Variants in OR14A16 observed in about 807,000 individuals in gnomAD.
The protein encoded by OR14A16 is olfactory receptor 14A16.
For synonymous variants in OR14A16, 135 were observed against 137.6 expected (o/e 0.98, Z 0.13); for missense variants, 341 against 366.5 (o/e 0.93, Z 0.57).
At chr1:247,820,167 C>T (rs1458388774) in intron 1 of OR14A16, among the ~76,000 whole-genome samples, 2 of 152,118 alleles carry the variant, frequency 1.3e-5, no homozygotes, top group African/African-American at 4.8e-5. Context: ...ATCTGGAACA[C>T]GGGCCTGTAA....
Position 247,815,640 on chromosome 1 carries a change from C to G in OR14A16, c.90G>C (p.Leu30Phe), listed in dbSNP as rs79307181. ...CCATCAGGGCACACAAATAAATCAACAAGAAGAGAATCGAATGCAAAATGC... is the reference window on the plus strand; with the variant it reads ...CCATCAGGGCACACAAATAAATCAAGAAGAAGAGAATCGAATGCAAAATGC... ...NMCILHSILF[L>F]LIYLCALMGN... is the part of the protein sequence containing the mutation. Residue 30 changes from leucine to phenylalanine, a missense_variant, in exon 3 of 3, where the codon TTG becomes TTC. By Grantham distance (22) the Leu-to-Phe change is conservative (BLOSUM62 0). Transcript: ENST00000641093. 2.5e-3 allele frequency: 4,003 copies of G among 1,611,818 alleles called. 86 individuals carry two copies. In the African/African-American group the frequency reaches 0.045, roughly 18 times the overall value.
Position 247,820,968 on chromosome 1 carries a change from A to T in OR14A16, c.-130-1791T>A, listed in dbSNP as rs553703734. Among the ~76,000 whole-genome samples the T allele has an allele frequency of 3.3e-5, 5 of 151,914 alleles. No homozygotes were observed. In the South Asian group the frequency reaches 8.3e-4, roughly 25 times the overall value. On this transcript the variant is annotated intron_variant, in intron 1 of 2. Coordinates refer to ENST00000641093, the MANE Select transcript of OR14A16 (RefSeq NM_001001966.2). Reference sequence around the variant, plus strand: ...ATAAGTGTCAATATGTTGTGTTTTCATGCTTGTTTGAATCAACATGTTTTT... The same window carrying T: ...ATAAGTGTCAATATGTTGTGTTTTCTTGCTTGTTTGAATCAACATGTTTTT...
At chr1:247,820,683 T>C (rs1048884782) in intron 1 of OR14A16, among the ~76,000 whole-genome samples, 3 of 40,580 alleles carry the variant, frequency 7.4e-5, no homozygotes, top group African/African-American at 1.1e-4. Flanking sequence ...CCATCTCTAC[T>C]AAATACAAAA....
At position 247,815,400 on chromosome 1, in the gene OR14A16, C is replaced by A. The variant is rs1662593196; in HGVS notation, c.330G>T (p.Leu110=). ...FLLLSSASAE[L]LLLTVMSFDR... is the part of the protein sequence containing the mutation. Reference sequence around the variant, plus strand: ...CAAAGGACATCACCGTGAGGAGGAGCAGCTCTGCAGATGCTGAAGAAAGCA... The same window carrying A: ...CAAAGGACATCACCGTGAGGAGGAGAAGCTCTGCAGATGCTGAAGAAAGCA... The change falls in exon 3 of 3, where the codon CTG becomes CTT. Residue 110 remains leucine (L), a synonymous_variant. Coordinates refer to ENST00000641093, the MANE Select transcript of OR14A16 (RefSeq NM_001001966.2). 1 of 1,613,662 alleles carries A rather than the reference C, an allele frequency of 6.2e-7. No individual in the cohort carries two copies. Among genetic ancestry groups the A allele is most frequent in the African/African-American group, 1.3e-5 (1 of 75,018 alleles).
Position 247,815,165 on chromosome 1 carries a change from C to G in OR14A16, c.565G>C (p.Glu189Gln), listed in dbSNP as rs746728262. 6.2e-7 allele frequency: 1 copy of G among 1,613,396 alleles called. No individual in the cohort carries two copies. The highest frequency in any genetic ancestry group is 1.7e-5 in the Admixed American group (1 of 59,964). Residue 189 changes from glutamate to glutamine, a missense_variant, in exon 3 of 3, where the codon GAA (glutamate) becomes CAA (glutamine). Physicochemically the swap from Glu to Gln is conservative, Grantham distance 29 (BLOSUM62 2). Transcript: ENST00000641093. ...AGTGCAATTTCTCTTATTAAATTTT[C>G]TGAGCAAGAAATAGCTAATAACTGG... ...IPQLLAISCSENLIREIALIL... is the reference protein window; with the variant it reads ...IPQLLAISCSQNLIREIALIL...
intron 1 of OR14A16, among the ~76,000 whole-genome samples, chr1:247,819,444 G>A (rs1170093830): frequency 2.0e-5 from 3 of 152,150 alleles, no homozygotes; most frequent in Admixed American, 1.3e-4. Context: ...ATGGAGAGCA[G>A]GATCAGGCAG....
intron 1 of OR14A16, among the ~76,000 whole-genome samples, chr1:247,822,827 A>G (rs12130569): frequency 0.26 from 40,096 of 152,132 alleles, 5,692 homozygotes; most frequent in African/African-American, 0.36. Flanking sequence ...CAAAGACTGA[A>G]CTTATCAATA....
intron 1 of OR14A16, 121 bp downstream of exon 1, chr1:247,823,832 C>A (rs879780109): frequency 6.6e-6 from 1 of 151,818 alleles, no homozygotes; most frequent in Non-Finnish European, 1.5e-5. Context: ...TTATTAATAT[C>A]ATAAAATTGA....
Position 247,815,372 on chromosome 1 carries a change from G to A in OR14A16, c.358C>T (p.Arg120Cys), listed in dbSNP as rs147527565. ...LLLLTVMSFD[R>C]YTAICHPLHY... is the part of the protein sequence containing the mutation. The stretch of plus-strand genomic sequence containing the variant: ...AGAGGGTGACATATAGCAGTATAGC[G>A]GTCAAAGGACATCACCGTGAGGAGG... Residue 120 changes from arginine to cysteine, a missense_variant, in exon 3 of 3, where the codon CGC (arginine) becomes TGC (cysteine). By Grantham distance (180) the Arg-to-Cys change is radical. Coordinates refer to ENST00000641093, the MANE Select transcript of OR14A16 (RefSeq NM_001001966.2). The A allele has an allele frequency of 1.4e-5, 22 of 1,613,746 alleles. No homozygotes were observed. Among genetic ancestry groups the A allele is most frequent in the South Asian group, 4.4e-5 (4 of 91,066 alleles).
chr1:247,814,971 G>A lies in OR14A16; in HGVS notation c.759C>T (p.Phe253=). The A allele has an allele frequency of 6.2e-7, 1 of 1,613,932 alleles. No individual in the cohort carries two copies. The highest frequency in any genetic ancestry group is 8.5e-7 in the Non-Finnish European group (1 of 1,179,964). Residue 253 remains phenylalanine, a synonymous_variant, in exon 3 of 3, where the codon TTC becomes TTT. Transcript: ENST00000641093. ...LLVVLFLSTG[F]IAYLKPASES... is the part of the protein sequence containing the mutation. ...CTGAAGCTGGCTTCAGATAAGCAATGAATCCAGTGGAAAGAAATAACACAA... is the reference window on the plus strand; with the variant it reads ...CTGAAGCTGGCTTCAGATAAGCAATAAATCCAGTGGAAAGAAATAACACAA...
chr1:247,815,547 C>T lies in OR14A16; in HGVS notation c.183G>A (p.Leu61=). ...HHLHTPVYFF[L]KNLSFLDLCL... ...AGAGATCCAAGAAAGATAGATTCTT[C>T]AAGAAGAAATACACGGGGGTGTGGA... The change falls in exon 3 of 3, where the codon TTG becomes TTA. Residue 61 remains leucine, a synonymous_variant. Transcript: ENST00000641093. The T allele has an allele frequency of 1.9e-6, 3 of 1,614,048 alleles. No individual in the cohort carries two copies. The highest frequency in any genetic ancestry group is 2.5e-6 in the Non-Finnish European group (3 of 1,179,956).
At position 247,824,102 on chromosome 1, in the gene OR14A16, C is replaced by G. The variant is rs1018789486; in HGVS notation, c.-280G>C. 1.3e-5 allele frequency: 2 copies of G among 152,138 alleles called. 1 individual carries two copies. Among genetic ancestry groups the G allele is most frequent in the Admixed American group, 1.3e-4 (2 of 15,268 alleles). The allele number at this position is 152,138 out of a possible 1,614,324, so 9.4% of individuals were successfully genotyped here. ...AAGAGAAAAGAAAATAGAGCTCTCT[C>G]TAGTAAGAAACAGGGCCTTCCGAAA... On this transcript the variant is annotated 5_prime_UTR_variant, in exon 1 of 3. Transcript: ENST00000641093.
intron 1 of OR14A16, among the ~76,000 whole-genome samples, chr1:247,819,446 A>G (rs1572541015): frequency 1.3e-5 from 2 of 152,308 alleles, no homozygotes; most frequent in South Asian, 4.1e-4. Flanking sequence ...GGAGAGCAGG[A>G]TCAGGCAGAC....
intron 2 of OR14A16, among the ~76,000 whole-genome samples, chr1:247,817,703 AT>A (rs5782443): frequency 0.68 from 102,939 of 151,208 alleles, 36,273 homozygotes; most frequent in East Asian, 0.99. Context: ...AGTACTTCAC[AT>A]TTTTTTTTTA....
At chr1:247,821,825 C>G (rs1662745701) in intron 1 of OR14A16, among the ~76,000 whole-genome samples, 1 of 145,922 alleles carries the variant, frequency 6.9e-6, no homozygotes, top group African/African-American at 2.5e-5. Context: ...TTGTTCCTTT[C>G]TTCACCTTTT....
At chr1:247,823,442 A>C (rs1662780132) in intron 1 of OR14A16, among the ~76,000 whole-genome samples, 1 of 152,184 alleles carries the variant, frequency 6.6e-6, no homozygotes, top group South Asian at 2.1e-4. Flanking sequence ...GGCTGCACTC[A>C]CTGAGCCATG....
intron 2 of OR14A16, among the ~76,000 whole-genome samples, chr1:247,816,267 T>C (rs1328086720): frequency 6.6e-6 from 1 of 152,200 alleles, no homozygotes; most frequent in Non-Finnish European, 1.5e-5. Flanking sequence ...TTCTACAAAG[T>C]CTTTAACCTA....
At position 247,814,687 on chromosome 1, in the gene OR14A16, C is replaced by A. The variant is rs1424269580; in HGVS notation, c.*113G>T. The A allele has an allele frequency of 9.6e-6, 5 of 519,116 alleles. No individual in the cohort carries two copies. The highest frequency in any genetic ancestry group is 1.5e-5 in the Non-Finnish European group (5 of 324,028). The allele number at this position is 519,116 out of a possible 1,614,324, so 32.2% of individuals were successfully genotyped here. On this transcript the variant is annotated 3_prime_UTR_variant, in exon 3 of 3. Transcript: ENST00000641093. ...AGGAAATTTTCTAATAAAATAATTG[C>A]TTTCATTTGTCTTTTTAAATTTTTA...
chr1:247,823,075 A>G (rs1319240534), intron 1 of OR14A16, among the ~76,000 whole-genome samples: 1 of 152,190 alleles, frequency 6.6e-6, no homozygotes, highest in Non-Finnish European at 1.5e-5. Flanking sequence ...GGGGTGCCTG[A>G]TATCTCTGAG....
Sources: gnomAD v4.1 joint callset for allele counts (sites outside exome capture counted in the v4.1 genomes callset) on GRCh38, gnomAD v4.1.1 for gene constraint, MANE v1.5 for transcripts, NCBI Gene and HGNC (gene_info 2026-07-23, HGNC 2026-07-21) for gene names.